PDE4D: variants seen among roughly 807,000 people sequenced by gnomAD.
PDE4D encodes 3',5'-cyclic-AMP phosphodiesterase 4D.
In PDE4D, 24 loss-of-function variants were observed where a neutral mutation model predicts 87.4. The ratio of observed to expected loss-of-function variants is 0.27; its 90% confidence interval spans 0.20 to 0.39. PDE4D has a LOEUF of 0.39. Ranked by LOEUF, PDE4D falls within the 10% of genes least tolerant of loss-of-function variation. The pLI, the probability that PDE4D is intolerant of heterozygous loss-of-function variation, is 1.00. For missense variants in PDE4D, 714 were observed against 1,041.0 expected (o/e 0.69, Z 4.32); for synonymous variants, 384 against 383.2 (o/e 1.00, Z -0.02).
intron 2 of PDE4D, among the ~76,000 whole-genome samples, chr5:59,200,143 A>G (rs201761409): frequency 6.6e-6 from 1 of 150,438 alleles, no homozygotes; most frequent in East Asian, 2.0e-4. Flanking sequence ...ACATGTATGT[A>G]CACGTATATG....
Position 60,361,810 on chromosome 5 carries a change from G to A in PDE4D, c.-90+126132C>T, listed in dbSNP as rs867984531. On this transcript the variant is annotated intron_variant, in intron 1 of 16. Coordinates refer to the PDE4D transcript ENST00000502484. ...CTGACCCACAATGGACAGACAGCAT[G>A]AGCAAGAAATAAATTGTTGTTGTTT... Among the ~76,000 whole-genome samples, 3 of 152,308 alleles carry A rather than the reference G, an allele frequency of 2.0e-5. No individual in the cohort carries two copies. In the Middle Eastern group the frequency reaches 0.01, roughly 518 times the overall value.
chr5:60,405,654 A>G (rs374506420), intron 1 of PDE4D, among the ~76,000 whole-genome samples: 21 of 152,372 alleles, frequency 1.4e-4, no homozygotes, highest in South Asian at 6.2e-4. Flanking sequence ...TATTAATTAT[A>G]ACATAGTGGC....
chr5:60,052,652 C>G (rs1408626643), intron 2 of PDE4D, among the ~76,000 whole-genome samples: 2 of 152,152 alleles, frequency 1.3e-5, no homozygotes, highest in Non-Finnish European at 1.5e-5. Flanking sequence ...CCTCTCTCAC[C>G]ACTCCTATTC....
intron 1 of PDE4D, among the ~76,000 whole-genome samples, chr5:59,580,093 C>T (rs1484241286): frequency 6.6e-6 from 1 of 152,186 alleles, no homozygotes; most frequent in African/African-American, 2.4e-5. Flanking sequence ...TTTCTCTGGT[C>T]TACTGCTAAT....
intron 1 of PDE4D, among the ~76,000 whole-genome samples, chr5:59,255,498 G>T (rs1031153062): frequency 6.6e-6 from 1 of 152,030 alleles, no homozygotes; most frequent in South Asian, 2.1e-4. Flanking sequence ...GTAGTAAAAT[G>T]TTCTACATTG....
chr5:59,450,749 A>C (rs1799024998), intron 1 of PDE4D, among the ~76,000 whole-genome samples: 1 of 152,078 alleles, frequency 6.6e-6, no homozygotes. Flanking sequence ...TGACAAACAC[A>C]TCTACTCCCA....
chr5:59,853,079 A>G (rs1267614799), intron 1 of PDE4D, among the ~76,000 whole-genome samples: 1 of 151,928 alleles, frequency 6.6e-6, no homozygotes, highest in Non-Finnish European at 1.5e-5. Flanking sequence ...GTACAAAAAC[A>G]GCAGCAAAAT....
chr5:60,338,358 C>A (rs1758002917), intron 1 of PDE4D, among the ~76,000 whole-genome samples: 2 of 152,222 alleles, frequency 1.3e-5, no homozygotes, highest in African/African-American at 2.4e-5. Context: ...CGACCACTAT[C>A]CTGTAGCAAG....
intron 1 of PDE4D, among the ~76,000 whole-genome samples, chr5:60,385,623 CTG>C (rs1762143657): frequency 6.6e-6 from 1 of 152,214 alleles, no homozygotes; most frequent in South Asian, 2.1e-4. Flanking sequence ...ATTCCATGAC[CTG>C]TGTCCTACTT....
At chr5:59,208,442 T>C in intron 2 of PDE4D, among the ~76,000 whole-genome samples, 1 of 152,336 alleles carries the variant, frequency 6.6e-6, no homozygotes, top group East Asian at 1.9e-4. Context: ...ATAGCCAAGA[T>C]ATATTACTAC....
intron 1 of PDE4D, among the ~76,000 whole-genome samples, chr5:60,357,480 C>T (rs1003268446): frequency 5.3e-5 from 8 of 152,136 alleles, no homozygotes; most frequent in Non-Finnish European, 8.8e-5. Context: ...ATTCAACTTT[C>T]TATTAGCTAC....
intron 5 of PDE4D, among the ~76,000 whole-genome samples, chr5:59,054,667 A>G (rs1044943034): frequency 2.0e-5 from 3 of 152,040 alleles, no homozygotes; most frequent in Admixed American, 6.6e-5. Context: ...AAGAGTAAAT[A>G]TATATTCGAG....
At chr5:60,046,595 A>G (rs1274223211) in intron 2 of PDE4D, among the ~76,000 whole-genome samples, 1 of 151,892 alleles carries the variant, frequency 6.6e-6, no homozygotes, top group African/African-American at 2.4e-5. Flanking sequence ...GAATTTTGTC[A>G]AAGGCCTTTT....
intron 1 of PDE4D, among the ~76,000 whole-genome samples, chr5:59,422,129 G>A (rs577022097): frequency 4.6e-5 from 7 of 152,112 alleles, no homozygotes; most frequent in African/African-American, 1.7e-4. Context: ...TATTTCCCTG[G>A]GGATGATGAG....
At chr5:59,988,025 AT>A (rs1762615667) in intron 3 of PDE4D, 1 of 152,842 alleles carries the variant, frequency 6.5e-6, no homozygotes, top group South Asian at 2.1e-4. Flanking sequence ...CAAAGGCAAA[AT>A]TTTTAGACTC....
At chr5:60,368,857 G>A (rs1172273736) in intron 1 of PDE4D, among the ~76,000 whole-genome samples, 2 of 152,056 alleles carry the variant, frequency 1.3e-5, no homozygotes, top group African/African-American at 2.4e-5. Context: ...TAAGTTTCCT[G>A]AGGCCTCCCC....
rs559825189 is a variant in PDE4D at position 60,479,993 on chromosome 5, G to A, written c.-90+7949C>T. The stretch of plus-strand genomic sequence containing the variant: ...TTTTAAAGCAAGGGTACTAGTATAG[G>A]CAGTAGACTGAAGTCCAAACCCTTA... On this transcript the variant is annotated intron_variant, in intron 1 of 16. Coordinates refer to the PDE4D transcript ENST00000502484. Among the ~76,000 whole-genome samples, 4 of 152,308 alleles carry A rather than the reference G, an allele frequency of 2.6e-5. No homozygotes were observed. The East Asian group carries it at 7.7e-4, about 29-fold the overall frequency.
chr5:59,918,384 T>C (rs1477616663), intron 3 of PDE4D, among the ~76,000 whole-genome samples: 1 of 152,202 alleles, frequency 6.6e-6, no homozygotes, highest in African/African-American at 2.4e-5. Flanking sequence ...GATTTTCTTT[T>C]TGGGATGTGG....
Position 58,976,432 on chromosome 5 carries a change from G to C in PDE4D, c.1748C>G (p.Ala583Gly). The change falls in exon 13 of 15, where the codon GCT (alanine) becomes GGT (glycine). Residue 583 changes from alanine (A) to glycine (G), a missense_variant. Transcript: ENST00000340635. ...TDMSKHMNLLADLKTMVETKK... is the reference protein window; with the variant it reads ...TDMSKHMNLLGDLKTMVETKK... ...AGTTTCAACCATAGTCTTCAAATCA[G>C]CCAGTAGATTCATGTGTTTTGACAT... The C allele has an allele frequency of 6.3e-7, 1 of 1,593,772 alleles. No homozygotes were observed.
Sources: allele counts gnomAD v4.1 joint callset (sites outside exome capture counted in the v4.1 genomes callset), GRCh38; gene constraint gnomAD v4.1.1; transcripts MANE v1.5; gene names NCBI Gene and HGNC (gene_info 2026-07-23, HGNC 2026-07-21).